RIMS2: variants seen among roughly 807,000 people sequenced by gnomAD.
RIMS2 encodes the protein regulating synaptic membrane exocytosis 2.
In RIMS2, 59 loss-of-function variants were observed where a neutral mutation model predicts 174.4. That is an observed-to-expected ratio of 0.34 (90% CI 0.27 to 0.42). The LOEUF (loss-of-function observed/expected upper bound fraction) is 0.42, where lower values mean the gene tolerates loss of function less well. Among genes scored for constraint, RIMS2 ranks in the 10% least tolerant of loss-of-function variants. The pLI is 1.00. For missense variants in RIMS2, 1,620 were observed against 1,666.3 expected (o/e 0.97, Z 0.48); for synonymous variants, 606 against 572.5 (o/e 1.06, Z -0.84).
In RIMS2 at chr8:104,126,118, A is replaced by G. The variant is rs1030942228; in HGVS notation, c.3334+111503A>G. Among the ~76,000 whole-genome samples, 9 of 152,166 alleles carry G rather than the reference A, an allele frequency of 5.9e-5. 1 individual carries two copies. Among genetic ancestry groups the G allele is most frequent in the Non-Finnish European group, 1.0e-4 (7 of 68,024 alleles). ...TAGCACCAGGGACCAGTTTCATGGA[A>G]GAAACCGGTTTTATGTCTTACTGTG... On this transcript the variant is annotated intron_variant, in intron 19 of 23. Coordinates refer to ENST00000504942, the Ensembl canonical transcript of RIMS2.
chr8:104,068,500 T>C lies in RIMS2; in HGVS notation c.3334+53885T>C, dbSNP rs750977218. 4.0e-6 allele frequency: 5 copies of C among 1,237,850 alleles called. No homozygotes were observed. The highest frequency in any genetic ancestry group is 3.0e-5 in the African/African-American group (2 of 67,306). 76.7% of individuals were successfully genotyped at this position (1,237,850 alleles called of 1,614,324 possible). A position where few individuals can be genotyped will look rare whatever the true frequency, so the allele number is the denominator to read the frequency against. On this transcript the variant is annotated intron_variant, in intron 19 of 23. Transcript: ENST00000504942. ...TGAACATTAATTTTATGGGTTTTTT[T>C]CTACTCGATAGGTACTATGGATATA... is the stretch of plus-strand genomic sequence containing the variant.
intron 19 of RIMS2, among the ~76,000 whole-genome samples, chr8:104,209,005 A>G (rs2099093579): frequency 6.6e-6 from 1 of 152,252 alleles, no homozygotes. Context: ...CTACAGAGGC[A>G]AAATGGGGTA....
chr8:103,937,748 G>A (rs1373535491), intron 13 of RIMS2, among the ~76,000 whole-genome samples: 1 of 152,080 alleles, frequency 6.6e-6, no homozygotes, highest in Admixed American at 6.6e-5. Flanking sequence ...GAAATTGGAA[G>A]GGAATATGGT....
intron 3 of RIMS2, among the ~76,000 whole-genome samples, chr8:103,769,690 C>A (rs539011857): frequency 1.3e-5 from 2 of 152,146 alleles, no homozygotes; most frequent in Non-Finnish European, 2.9e-5. Flanking sequence ...TTCTTTAATG[C>A]CTCTTTCACT....
chr8:104,218,877 A>T (rs2099143075), intron 19 of RIMS2, among the ~76,000 whole-genome samples: 1 of 152,196 alleles, frequency 6.6e-6, no homozygotes, highest in East Asian at 1.9e-4. Context: ...CATCATTTGT[A>T]GCATAGAAAA....
intron 1 of RIMS2, among the ~76,000 whole-genome samples, chr8:103,517,324 C>A (rs1312483917): frequency 6.6e-6 from 1 of 152,040 alleles, no homozygotes; most frequent in Non-Finnish European, 1.5e-5. Flanking sequence ...CATTTAGACA[C>A]GGACTGTGAA....
At chr8:103,511,797 G>A (rs745670099) in intron 1 of RIMS2, among the ~76,000 whole-genome samples, 9 of 152,198 alleles carry the variant, frequency 5.9e-5, no homozygotes, top group Non-Finnish European at 1.0e-4. Context: ...GGGACATTTT[G>A]ATATAAAGTA....
chr8:104,068,587 G>T (rs2097143442), intron 19 of RIMS2: 1 of 1,562,134 alleles, frequency 6.4e-7, no homozygotes, highest in Admixed American at 1.8e-5. Flanking sequence ...TCAGATCCCA[G>T]ACTGGAACAA....
intron 19 of RIMS2, among the ~76,000 whole-genome samples, chr8:104,124,614 A>G (rs1374637692): frequency 6.6e-6 from 1 of 152,200 alleles, no homozygotes; most frequent in Non-Finnish European, 1.5e-5. Context: ...AAGCTCTTCA[A>G]GTGGTTGTGG....
chr8:103,798,182 A>G (rs2098567103), intron 3 of RIMS2, among the ~76,000 whole-genome samples: 1 of 152,178 alleles, frequency 6.6e-6, no homozygotes, highest in African/African-American at 2.4e-5. Context: ...TTATAATCTA[A>G]TAAGTCAGGA....
intron 15 of RIMS2, among the ~76,000 whole-genome samples, chr8:103,969,232 T>C (rs79970986): frequency 6.6e-6 from 1 of 152,132 alleles, no homozygotes; most frequent in South Asian, 2.1e-4. Context: ...GCTTGGTTCC[T>C]GACATTAGTT....
intron 1 of RIMS2, among the ~76,000 whole-genome samples, chr8:103,576,065 G>A (rs2093209040): frequency 6.6e-6 from 1 of 152,168 alleles, no homozygotes; most frequent in Admixed American, 6.5e-5. Context: ...CCTCAGCATG[G>A]AAACCCTGCT....
chr8:103,695,747 G>A (rs915146491), intron 1 of RIMS2, among the ~76,000 whole-genome samples: 2 of 149,702 alleles, frequency 1.3e-5, no homozygotes, highest in Non-Finnish European at 3.0e-5. Context: ...TTGTTTGTTT[G>A]TTTTTCTCTC....
At chr8:103,619,463 G>T (rs117461842) in intron 1 of RIMS2, among the ~76,000 whole-genome samples, 3 of 151,888 alleles carry the variant, frequency 2.0e-5, no homozygotes, top group Admixed American at 6.6e-5. Flanking sequence ...TGGAATATTG[G>T]GGAAATTCCC....
intron 3 of RIMS2, among the ~76,000 whole-genome samples, chr8:103,780,661 A>G (rs939543257): frequency 2.0e-5 from 3 of 151,978 alleles, no homozygotes; most frequent in Admixed American, 2.0e-4. Context: ...TAACTTGGAG[A>G]TCACTGAATT....
At chr8:103,642,472 G>C (rs1564131096) in intron 1 of RIMS2, among the ~76,000 whole-genome samples, 1 of 151,832 alleles carries the variant, frequency 6.6e-6, no homozygotes, top group Non-Finnish European at 1.5e-5. Context: ...AAAAATAAAA[G>C]GTTTTATTTT....
rs189298767 is a variant in RIMS2 at position 103,756,947 on chromosome 8, T to C, written c.388-9280T>C. Among the ~76,000 whole-genome samples the C allele has an allele frequency of 5.3e-3, 804 of 151,798 alleles. 7 individuals are homozygous for C. The highest frequency in any genetic ancestry group is 0.014 in the Middle Eastern group (4 of 294). On this transcript the variant is annotated intron_variant, in intron 2 of 23. Coordinates refer to ENST00000504942, the Ensembl canonical transcript of RIMS2. ...AATAGTGTTCAAATAAGGACAGTTTTATTTCATCCTTTCTCGTATGTGTGT... is the reference window on the plus strand; with the variant it reads ...AATAGTGTTCAAATAAGGACAGTTTCATTTCATCCTTTCTCGTATGTGTGT...
At chr8:103,622,388 A>T (rs1211102344) in intron 1 of RIMS2, among the ~76,000 whole-genome samples, 1 of 152,180 alleles carries the variant, frequency 6.6e-6, no homozygotes. Context: ...AATGCATAAC[A>T]TTTTAAAAAG....
intron 3 of RIMS2, among the ~76,000 whole-genome samples, chr8:103,853,074 T>G (rs1017938439): frequency 1.3e-4 from 20 of 151,624 alleles, no homozygotes; most frequent in East Asian, 1.9e-4. Flanking sequence ...AAATCTGGGG[T>G]TTTTTTTGTT....
Sources: gnomAD v4.1 joint callset for allele counts (sites outside exome capture counted in the v4.1 genomes callset) on GRCh38, gnomAD v4.1.1 for gene constraint, MANE v1.5 for transcripts, NCBI Gene and HGNC (gene_info 2026-07-23, HGNC 2026-07-21) for gene names.